The following XAB2 variants were observed in gnomAD, a reference collection of about 807,000 sequenced individuals.
XAB2 encodes the protein pre-mRNA-splicing factor SYF1.
XAB2 carries 57 observed loss-of-function variants against 113.4 expected under a neutral mutation model. That is an observed-to-expected ratio of 0.50 (90% CI 0.41 to 0.63). The LOEUF (loss-of-function observed/expected upper bound fraction) is 0.63, where lower values mean the gene tolerates loss of function less well. Ranked by LOEUF, XAB2 falls within the 20% of genes least tolerant of loss-of-function variation. The probability of loss-of-function intolerance (pLI) is 0.00; values close to 1 mark genes in which losing one functional copy is unlikely to be tolerated. For synonymous variants in XAB2, 497 were observed against 498.8 expected, an observed-to-expected ratio of 1.00 and a Z score of 0.05; for missense variants, 1,037 against 1,233.3, an observed-to-expected ratio of 0.84 and a Z score of 2.38.
Position 7,621,240 on chromosome 19 carries a change from T to C in XAB2, c.1675A>G (p.Thr559Ala), listed in dbSNP as rs780231946. ...CGGGCAATGAATTTGGTCAGGTAGG[T>C]GCTCCAGATGTCGGACACGTTGGGC... ...KWPNVSDIWS[T>A]YLTKFIARYG... Residue 559 changes from threonine (T) to alanine (A), a missense_variant, in exon 13 of 19, where the codon ACC (threonine) becomes GCC (alanine). Physicochemically the swap from Thr to Ala is moderately conservative, Grantham distance 58. Coordinates refer to ENST00000358368, the MANE Select transcript of XAB2 (RefSeq NM_020196.3). 31 of 1,612,976 alleles carry C rather than the reference T, an allele frequency of 1.9e-5. No homozygotes were observed. In the Admixed American group the frequency reaches 2.0e-4, roughly 10 times the overall value.
In XAB2 at chr19:7,623,133, T is replaced by G; in HGVS notation, c.1239+37A>C. On this transcript the variant is annotated intron_variant, in intron 9 of 18. Coordinates refer to ENST00000358368, the MANE Select transcript of XAB2 (RefSeq NM_020196.3). The surrounding 1 kb of genome is among the most constrained non-coding windows in gnomAD (Gnocchi z 4.6). ...GCACACATATACAAGCACACACACA[T>G]GCATGAACACACAGGCACACGCAAC... 6.2e-7 allele frequency: 1 copy of G among 1,609,706 alleles called. No homozygotes were observed. The highest frequency in any genetic ancestry group is 8.5e-7 in the Non-Finnish European group (1 of 1,178,030).
chr19:7,622,260 G>A (rs1224622035), intron 12 of XAB2, 71 bp downstream of exon 12: 21 of 1,427,412 alleles, frequency 1.5e-5, no homozygotes, highest in East Asian at 2.3e-5. Flanking sequence ...CAGCAGATTC[G>A]TAAGTTGCTG....
Position 7,624,555 on chromosome 19 carries a change from G to C in XAB2, c.823-110C>G. 1 of 1,502,922 alleles carries C rather than the reference G, an allele frequency of 6.7e-7. No homozygotes were observed. Among genetic ancestry groups the C allele is most frequent in the Non-Finnish European group, 9.0e-7 (1 of 1,108,104 alleles). 93.1% of individuals were successfully genotyped at this position (1,502,922 alleles called of 1,614,324 possible). On this transcript the variant is annotated intron_variant, in intron 6 of 18. Coordinates refer to ENST00000358368, the MANE Select transcript of XAB2 (RefSeq NM_020196.3). This position sits in a 1 kb window ranked among gnomAD's most constrained non-coding sequence, Gnocchi z 4.2. ...AACCCCTGGGGGCCTTCTGGGTAGT[G>C]ACGCATCCAGCACCTCTGGGTAGTG...
At chr19:7,626,293 G>A in intron 4 of XAB2, 23 bp from the exon 5 acceptor site, 1 of 1,598,548 alleles carries the variant, frequency 6.3e-7, no homozygotes, top group Non-Finnish European at 8.5e-7. Context: ...CCACCCCTCA[G>A]GCAGTCAGTG....
At position 7,621,250 on chromosome 19, in the gene XAB2, G is replaced by C; in HGVS notation, c.1665C>G (p.Asp555Glu). Reference protein sequence around the residue: ...ISLFKWPNVSDIWSTYLTKFI... With the variant: ...ISLFKWPNVSEIWSTYLTKFI... ...ATTTGGTCAGGTAGGTGCTCCAGAT[G>C]TCGGACACGTTGGGCCACTTGAACA... The change falls in exon 13 of 19, where the codon GAC (aspartate) becomes GAG (glutamate). Residue 555 changes from aspartate to glutamate, a missense_variant. Asp to Glu is a conservative substitution (Grantham distance 45). Coordinates refer to ENST00000358368, the MANE Select transcript of XAB2 (RefSeq NM_020196.3). 6.2e-7 allele frequency: 1 copy of C among 1,613,144 alleles called. No homozygotes were observed. Among genetic ancestry groups the C allele is most frequent in the South Asian group, 1.1e-5 (1 of 91,090 alleles).
Position 7,627,659 on chromosome 19 carries a change from G to A in XAB2, c.324+69C>T. The A allele has an allele frequency of 1.9e-6, 3 of 1,565,584 alleles. No individual in the cohort carries two copies. Among genetic ancestry groups the A allele is most frequent in the East Asian group, 2.3e-5 (1 of 44,378 alleles). On this transcript the variant is annotated intron_variant, in intron 3 of 18. Coordinates refer to ENST00000358368, the MANE Select transcript of XAB2 (RefSeq NM_020196.3). This position sits in a 1 kb window ranked among gnomAD's most constrained non-coding sequence, Gnocchi z 4.5. ...CCCTAACATGCTGAGCCCAGCCCCT[G>A]TCCCCGCCCCACCCACCACCATGGA...
rs775991210 is a variant in XAB2 at position 7,628,728 on chromosome 19, T to A, written c.52-430A>T. ...GCCCCTCAGACTCCCACTGTCACCA[T>A]CTGACCCATCTCCACCCCAGGCCCA... is the stretch of plus-strand genomic sequence containing the variant. On this transcript the variant is annotated intron_variant, in intron 1 of 18. Coordinates refer to ENST00000358368, the MANE Select transcript of XAB2 (RefSeq NM_020196.3). This position sits in a 1 kb window ranked among gnomAD's most constrained non-coding sequence, Gnocchi z 4.6. 1.1e-4 allele frequency among the ~76,000 whole-genome samples: 16 copies of A among 152,086 alleles called. No homozygotes were observed. Among genetic ancestry groups the A allele is most frequent in the Non-Finnish European group, 1.9e-4 (13 of 68,008 alleles).
intron 12 of XAB2, chr19:7,622,103 G>A: frequency 1.9e-6 from 1 of 515,666 alleles, no homozygotes; most frequent in South Asian, 2.3e-5. Flanking sequence ...TAGGGAGAAG[G>A]CGGCTGTCTG....
chr19:7,623,106 A>G lies in XAB2; in HGVS notation c.1239+64T>C. ...TGCACAAATATGTACACACACATAC[A>G]TGCACACATATACAAGCACACACAC... On this transcript the variant is annotated intron_variant, in intron 9 of 18. Coordinates refer to ENST00000358368, the MANE Select transcript of XAB2 (RefSeq NM_020196.3). This position sits in a 1 kb window ranked among gnomAD's most constrained non-coding sequence, Gnocchi z 4.6. The G allele has an allele frequency of 1.9e-6, 3 of 1,599,384 alleles. No homozygotes were observed. Among genetic ancestry groups the G allele is most frequent in the Non-Finnish European group, 2.6e-6 (3 of 1,172,466 alleles).
In XAB2 at chr19:7,628,065, G is replaced by T; in HGVS notation, c.200+85C>A. 6.5e-7 allele frequency: 1 copy of T among 1,530,272 alleles called. No homozygotes were observed. The highest frequency in any genetic ancestry group is 1.4e-5 in the African/African-American group (1 of 73,142). The allele number at this position is 1,530,272 out of a possible 1,614,324, so 94.8% of individuals were successfully genotyped here. A position where few individuals can be genotyped will look rare whatever the true frequency, so the allele number is the denominator to read the frequency against. On this transcript the variant is annotated intron_variant, in intron 2 of 18. Transcript: ENST00000358368. This position sits in a 1 kb window ranked among gnomAD's most constrained non-coding sequence, Gnocchi z 4.6. ...GATGAAACACGAAGCAATCACCCGG[G>T]ACCCGGGACCCACTTGGCAGTTTTG...
At position 7,624,431 on chromosome 19, in the gene XAB2, G is replaced by A. The variant is rs756760051; in HGVS notation, c.837C>T (p.Tyr279=). The change falls in exon 7 of 19, where the codon TAC becomes TAT. Residue 279 remains tyrosine (Y), a synonymous_variant. Transcript: ENST00000358368. The surrounding 1 kb of genome is among the most constrained non-coding windows in gnomAD (Gnocchi z 4.2). ...SGHFEKARDV[Y]EEAIRTVMTV... is the part of the protein sequence containing the mutation. Reference sequence around the variant, plus strand: ...TCATCACTGTCCGGATGGCCTCCTCGTACACGTCCCGAGCCTGTGGGGACC... The same window carrying A: ...TCATCACTGTCCGGATGGCCTCCTCATACACGTCCCGAGCCTGTGGGGACC... 1.4e-5 allele frequency: 22 copies of A among 1,613,976 alleles called. No individual in the cohort carries two copies. In the East Asian group the frequency reaches 2.2e-4, roughly 16 times the overall value.
Position 7,623,411 on chromosome 19 carries a change from G to A in XAB2, c.1120-122C>T. 1 of 1,318,672 alleles carries A rather than the reference G, an allele frequency of 7.6e-7. No individual in the cohort carries two copies. Among genetic ancestry groups the A allele is most frequent in the Non-Finnish European group, 1.0e-6 (1 of 956,364 alleles). The allele number at this position is 1,318,672 out of a possible 1,614,324, so 81.7% of individuals were successfully genotyped here. A position where few individuals can be genotyped will look rare whatever the true frequency, so the allele number is the denominator to read the frequency against. ...CTGTGGCCCCTGTCGGGAGAGGCCA[G>A]AAACGAACTATGGCCCTTGACAATG... On this transcript the variant is annotated intron_variant, in intron 8 of 18. Transcript: ENST00000358368. The surrounding 1 kb of genome is among the most constrained non-coding windows in gnomAD (Gnocchi z 4.6).
At chr19:7,626,546 A>C (rs1194813999) in intron 4 of XAB2, among the ~76,000 whole-genome samples, 1 of 151,554 alleles carries the variant, frequency 6.6e-6, no homozygotes, top group Admixed American at 6.6e-5. Flanking sequence ...TTTTTGGGTT[A>C]GCCTTGACCC....
In XAB2 at chr19:7,623,696, C is replaced by T. The variant is rs781134308; in HGVS notation, c.1119+35G>A. ...GCTCCCCAGTTCTGCAGGAAACTGG[C>T]CCTCAGGGGTAGGACTGGGGCAGGC... On this transcript the variant is annotated intron_variant, in intron 8 of 18. Coordinates refer to ENST00000358368, the MANE Select transcript of XAB2 (RefSeq NM_020196.3). This position sits in a 1 kb window ranked among gnomAD's most constrained non-coding sequence, Gnocchi z 4.6. The T allele has an allele frequency of 8.4e-6, 13 of 1,546,586 alleles. No individual in the cohort carries two copies. The highest frequency in any genetic ancestry group is 1.1e-5 in the Non-Finnish European group (13 of 1,150,976).
At position 7,628,140 on chromosome 19, in the gene XAB2, C is replaced by T. The variant is rs778138139; in HGVS notation, c.200+10G>A. On this transcript the variant is annotated intron_variant, in intron 2 of 18. Coordinates refer to ENST00000358368, the MANE Select transcript of XAB2 (RefSeq NM_020196.3). The surrounding 1 kb of genome is among the most constrained non-coding windows in gnomAD (Gnocchi z 4.6). Reference sequence around the variant, plus strand: ...GGGCTGGTGGGCAGGGCAGCTGGAGCCATTCCCACCTGCAGGGCAGCAGCT... The same window carrying T: ...GGGCTGGTGGGCAGGGCAGCTGGAGTCATTCCCACCTGCAGGGCAGCAGCT... The T allele has an allele frequency of 1.2e-6, 2 of 1,609,514 alleles. No individual in the cohort carries two copies. The highest frequency in any genetic ancestry group is 1.7e-6 in the Non-Finnish European group (2 of 1,178,052).
At position 7,627,600 on chromosome 19, in the gene XAB2, C is replaced by T. The variant is rs2031166913; in HGVS notation, c.324+128G>A. 2.0e-6 allele frequency: 3 copies of T among 1,534,732 alleles called. No individual in the cohort carries two copies. Among genetic ancestry groups the T allele is most frequent in the Admixed American group, 3.6e-5 (2 of 55,400 alleles). ...CAGGACTGAGTCCAGCCCAACTTCC[C>T]ATGCAAAGAAGCAACAGGAATCCAA... On this transcript the variant is annotated intron_variant, in intron 3 of 18. Coordinates refer to ENST00000358368, the MANE Select transcript of XAB2 (RefSeq NM_020196.3). The surrounding 1 kb of genome is among the most constrained non-coding windows in gnomAD (Gnocchi z 4.5).
Position 7,623,709 on chromosome 19 carries a change from G to A in XAB2, c.1119+22C>T. The A allele has an allele frequency of 1.9e-6, 3 of 1,575,208 alleles. No individual in the cohort carries two copies. Among genetic ancestry groups the A allele is most frequent in the Non-Finnish European group, 2.6e-6 (3 of 1,163,450 alleles). On this transcript the variant is annotated intron_variant, in intron 8 of 18. Coordinates refer to ENST00000358368, the MANE Select transcript of XAB2 (RefSeq NM_020196.3). This position sits in a 1 kb window ranked among gnomAD's most constrained non-coding sequence, Gnocchi z 4.6. Reference sequence around the variant, plus strand: ...GCAGGAAACTGGCCCTCAGGGGTAGGACTGGGGCAGGCTTCATGTACCTCC... The same window carrying A: ...GCAGGAAACTGGCCCTCAGGGGTAGAACTGGGGCAGGCTTCATGTACCTCC...
Position 7,628,051 on chromosome 19 carries a change from A to C in XAB2, c.200+99T>G. The C allele has an allele frequency of 2.7e-6, 4 of 1,506,716 alleles. No homozygotes were observed. Among genetic ancestry groups the C allele is most frequent in the Non-Finnish European group, 3.6e-6 (4 of 1,118,470 alleles). 93.3% of individuals were successfully genotyped at this position (1,506,716 alleles called of 1,614,324 possible). A position where few individuals can be genotyped will look rare whatever the true frequency, so the allele number is the denominator to read the frequency against. ...ATGTACAGGTCAGTGATGAAACACG[A>C]AGCAATCACCCGGGACCCGGGACCC... On this transcript the variant is annotated intron_variant, in intron 2 of 18. Transcript: ENST00000358368. This position sits in a 1 kb window ranked among gnomAD's most constrained non-coding sequence, Gnocchi z 4.6.
Position 7,628,748 on chromosome 19 carries a change from G to T in XAB2, c.52-450C>A, listed in dbSNP as rs913435790. 3.9e-5 allele frequency among the ~76,000 whole-genome samples: 6 copies of T among 152,024 alleles called. No individual in the cohort carries two copies. In the South Asian group the frequency reaches 1.0e-3, roughly 26 times the overall value. On this transcript the variant is annotated intron_variant, in intron 1 of 18. Coordinates refer to ENST00000358368, the MANE Select transcript of XAB2 (RefSeq NM_020196.3). The surrounding 1 kb of genome is among the most constrained non-coding windows in gnomAD (Gnocchi z 4.6). Reference sequence around the variant, plus strand: ...CACCATCTGACCCATCTCCACCCCAGGCCCAGATGACCAGATCTTTACCCC... The same window carrying T: ...CACCATCTGACCCATCTCCACCCCATGCCCAGATGACCAGATCTTTACCCC...
Sources: allele counts gnomAD v4.1 joint callset (sites outside exome capture counted in the v4.1 genomes callset), GRCh38; gene constraint gnomAD v4.1.1; non-coding constraint Gnocchi (gnomAD v3.1); transcripts MANE v1.5; gene names NCBI Gene and HGNC (gene_info 2026-07-23, HGNC 2026-07-21).